KCNIP4: variants seen among roughly 807,000 people sequenced by gnomAD.
KCNIP4 encodes potassium voltage-gated channel interacting protein 4.
In KCNIP4, 12 loss-of-function variants were observed where a neutral mutation model predicts 34.0. The observed-to-expected ratio is 0.35, with a 90% CI of 0.23 to 0.57. The LOEUF (loss-of-function observed/expected upper bound fraction) is 0.57. Among genes scored for constraint, KCNIP4 ranks in the 20% least tolerant of loss-of-function variants. The pLI, the probability that KCNIP4 is intolerant of heterozygous loss-of-function variation, is 0.83. For missense variants in KCNIP4, 238 were observed against 311.7 expected, an observed-to-expected ratio of 0.76 and a Z score of 1.78; for synonymous variants, 124 against 102.2, an observed-to-expected ratio of 1.21 and a Z score of -1.29.
At chr4:20,734,805 G>C in intron 5 of KCNIP4, 70 bp from the exon 6 acceptor site, 1 of 685,858 alleles carries the variant, frequency 1.5e-6, no homozygotes, top group Non-Finnish European at 2.3e-6. Context: ...AACAAATGAT[G>C]TAAGTAAGGG....
At position 21,841,024 on chromosome 4, in the gene KCNIP4, G is replaced by A. The variant is rs538907914; in HGVS notation, c.61+107547C>T. Among the ~76,000 whole-genome samples the A allele has an allele frequency of 2.6e-3, 395 of 152,178 alleles. 3 individuals carry two copies. The highest frequency in any genetic ancestry group is 9.2e-3 in the African/African-American group (380 of 41,528). On this transcript the variant is annotated intron_variant, in intron 1 of 8. Coordinates refer to ENST00000382152, the MANE Select transcript of KCNIP4 (RefSeq NM_025221.6). ...AATTAATTGTTGCTACTGAGTATGT[G>A]AAATAAACCATTATAAATTGCTTTT... is the stretch of plus-strand genomic sequence containing the variant.
At chr4:21,031,925 AATT>A (rs1741059864) in intron 1 of KCNIP4, among the ~76,000 whole-genome samples, 1 of 152,212 alleles carries the variant, frequency 6.6e-6, no homozygotes, top group South Asian at 2.1e-4. Context: ...GTAATTTCTC[AATT>A]CTGCAATGTA....
At chr4:21,933,153 A>G (rs1478506082) in intron 1 of KCNIP4, among the ~76,000 whole-genome samples, 1 of 151,628 alleles carries the variant, frequency 6.6e-6, no homozygotes, top group Non-Finnish European at 1.5e-5. Flanking sequence ...CAGTTTGCTG[A>G]TTATAGAAAT....
At chr4:20,938,968 T>C (rs1403488417) in intron 1 of KCNIP4, among the ~76,000 whole-genome samples, 2 of 152,184 alleles carry the variant, frequency 1.3e-5, no homozygotes, top group Non-Finnish European at 2.9e-5. Context: ...CTAAAAATGA[T>C]TTTACCCTTT....
At chr4:21,302,399 A>T (rs1298104037) in intron 1 of KCNIP4, among the ~76,000 whole-genome samples, 1 of 152,230 alleles carries the variant, frequency 6.6e-6, no homozygotes, top group East Asian at 1.9e-4. Context: ...GAATTCTGAG[A>T]TTGTTCCATG....
At chr4:21,206,218 G>T (rs995072009) in intron 1 of KCNIP4, among the ~76,000 whole-genome samples, 4 of 152,176 alleles carry the variant, frequency 2.6e-5, no homozygotes, top group Non-Finnish European at 2.9e-5. Flanking sequence ...GATCCTCTCT[G>T]CTGACATATT....
intron 1 of KCNIP4, among the ~76,000 whole-genome samples, chr4:21,002,519 G>A (rs1227305778): frequency 2.0e-5 from 3 of 152,160 alleles, no homozygotes; most frequent in Non-Finnish European, 2.9e-5. Context: ...CCACTTCCCA[G>A]GAGTGAGGTG....
chr4:21,294,461 C>T (rs1763723687), intron 1 of KCNIP4, among the ~76,000 whole-genome samples: 1 of 152,084 alleles, frequency 6.6e-6, no homozygotes, highest in Non-Finnish European at 1.5e-5. Flanking sequence ...CCCCATTTTC[C>T]TGGGCATAAT....
intron 1 of KCNIP4, among the ~76,000 whole-genome samples, chr4:21,122,456 A>G (rs1750243526): frequency 8.0e-6 from 1 of 124,330 alleles, no homozygotes; most frequent in Non-Finnish European, 1.6e-5. Flanking sequence ...TTGCAGATCA[A>G]GTTTTTTTTT....
chr4:21,895,546 T>C (rs777656415), intron 1 of KCNIP4, among the ~76,000 whole-genome samples: 1 of 152,116 alleles, frequency 6.6e-6, no homozygotes, highest in African/African-American at 2.4e-5. Context: ...TTTAGTAGGA[T>C]CACCACAAGA....
At chr4:21,911,357 AG>A (rs1728297511) in intron 1 of KCNIP4, among the ~76,000 whole-genome samples, 1 of 152,200 alleles carries the variant, frequency 6.6e-6, no homozygotes, top group Admixed American at 6.5e-5. Flanking sequence ...GGATTTACAA[AG>A]AAAAAGAAAA....
chr4:21,193,724 A>G (rs909660621), intron 1 of KCNIP4, among the ~76,000 whole-genome samples: 21 of 152,120 alleles, frequency 1.4e-4, no homozygotes, highest in Non-Finnish European at 2.9e-4. Context: ...GGCGCCAGCC[A>G]CCACGCCCGG....
At chr4:21,190,552 ATGGAATCAGG>A (rs1755562713) in intron 1 of KCNIP4, among the ~76,000 whole-genome samples, 1 of 152,140 alleles carries the variant, frequency 6.6e-6, no homozygotes, top group Non-Finnish European at 1.5e-5. Flanking sequence ...TGTACCAGAC[ATGGAATCAGG>A]TGCTGGAGAT....
At chr4:20,765,596 T>C (rs1016128366) in intron 3 of KCNIP4, among the ~76,000 whole-genome samples, 5 of 152,204 alleles carry the variant, frequency 3.3e-5, no homozygotes, top group African/African-American at 1.2e-4. Flanking sequence ...AGTAATGGGC[T>C]GAGGAAAATG....
chr4:21,015,717 ATTT>A (rs987564683), intron 1 of KCNIP4, among the ~76,000 whole-genome samples: 2 of 134,444 alleles, frequency 1.5e-5, no homozygotes, highest in African/African-American at 5.5e-5. Flanking sequence ...AATTATATAT[ATTT>A]TTATTTCTAG....
intron 1 of KCNIP4, among the ~76,000 whole-genome samples, chr4:21,555,401 T>C (rs1738929254): frequency 6.6e-6 from 1 of 152,174 alleles, no homozygotes; most frequent in Admixed American, 6.6e-5. Flanking sequence ...CTTTGCTCCC[T>C]TCAATTACTC....
chr4:21,169,436 A>G (rs1753852150), intron 1 of KCNIP4, among the ~76,000 whole-genome samples: 1 of 151,990 alleles, frequency 6.6e-6, no homozygotes, highest in Non-Finnish European at 1.5e-5. Context: ...ACAGGTGTGT[A>G]ATCTCACCAC....
At chr4:21,235,133 G>A (rs1228566723) in intron 1 of KCNIP4, among the ~76,000 whole-genome samples, 2 of 152,054 alleles carry the variant, frequency 1.3e-5, no homozygotes, top group African/African-American at 4.8e-5. Context: ...GTGTCTATTG[G>A]CTATGAAGTC....
In KCNIP4 at chr4:21,304,051, GAGAGAGAGAGAGAGAGAC is replaced by G. The variant is rs1451299849; in HGVS notation, c.62-421360_62-421343del. The G allele has an allele frequency of 6.7e-3, 3,172 of 473,352 alleles. 28 individuals are homozygous for G. The highest frequency in any genetic ancestry group is 0.038 in the African/African-American group (950 of 25,090). 29.3% of individuals were successfully genotyped at this position (473,352 alleles called of 1,614,324 possible). On this transcript the variant is annotated intron_variant, in intron 1 of 8. Coordinates refer to ENST00000382152, the MANE Select transcript of KCNIP4 (RefSeq NM_025221.6). ...CGTATGAGAGAGAGAGAGAGAGAGAGAGAGAGAGAGAGAGAGACAGAGAGAGAGAGAGAGACAGAGAGA... is the reference window on the plus strand; with the variant it reads ...CGTATGAGAGAGAGAGAGAGAGAGAGAGAGAGAGAGAGAGAGACAGAGAGA...
Sources: allele counts gnomAD v4.1 joint callset (sites outside exome capture counted in the v4.1 genomes callset), GRCh38; gene constraint gnomAD v4.1.1; transcripts MANE v1.5; gene names NCBI Gene and HGNC (gene_info 2026-07-23, HGNC 2026-07-21).